The following TMEFF2 variants were observed in gnomAD, a reference collection of about 807,000 sequenced individuals.
TMEFF2 encodes tomoregulin-2.
Under a neutral mutation model 53.8 loss-of-function variants are expected in TMEFF2, and 28 were observed. The ratio of observed to expected loss-of-function variants is 0.52; its 90% CI spans 0.39 to 0.71. The LOEUF (loss-of-function observed/expected upper bound fraction) is 0.71, where lower values mean the gene tolerates loss of function less well. TMEFF2 is among the 30% of genes least tolerant of loss of function. The pLI is 0.00. For synonymous variants in TMEFF2, 162 were observed against 166.3 expected, an observed-to-expected ratio of 0.97 and a Z score of 0.20; for missense variants, 353 against 455.2, an observed-to-expected ratio of 0.78 and a Z score of 2.04.
intron 4 of TMEFF2, among the ~76,000 whole-genome samples, chr2:192,088,502 G>A (rs539845123): frequency 6.6e-6 from 1 of 152,200 alleles, no homozygotes; most frequent in African/African-American, 2.4e-5. Flanking sequence ...TTAGGTCAGG[G>A]GAGTTGACTT....
At chr2:191,984,284 G>A (rs1001578928) in intron 7 of TMEFF2, among the ~76,000 whole-genome samples, 1 of 152,012 alleles carries the variant, frequency 6.6e-6, no homozygotes, top group Non-Finnish European at 1.5e-5. Flanking sequence ...GTTAATCTAA[G>A]TTTCTCCAAA....
intron 5 of TMEFF2, among the ~76,000 whole-genome samples, chr2:192,042,579 TG>T (rs1353656155): frequency 6.6e-6 from 1 of 152,134 alleles, no homozygotes; most frequent in Non-Finnish European, 1.5e-5. Context: ...CACTAGGGTA[TG>T]GGATAATGGT....
At chr2:192,164,306 C>T (rs1443130896) in intron 4 of TMEFF2, among the ~76,000 whole-genome samples, 1 of 152,162 alleles carries the variant, frequency 6.6e-6, no homozygotes, top group African/African-American at 2.4e-5. Context: ...GTGCTCTTCC[C>T]TTTGCTCCGA....
At chr2:192,025,854 A>G (rs1476865551) in intron 5 of TMEFF2, among the ~76,000 whole-genome samples, 1 of 152,214 alleles carries the variant, frequency 6.6e-6, no homozygotes, top group Non-Finnish European at 1.5e-5. Flanking sequence ...CAGATACAGC[A>G]CAGCTGCTTT....
At chr2:192,002,013 TA>T (rs1686375862) in intron 5 of TMEFF2, among the ~76,000 whole-genome samples, 1 of 126,316 alleles carries the variant, frequency 7.9e-6, no homozygotes, top group African/African-American at 4.2e-5. Flanking sequence ...CCAATTGGTG[TA>T]TTTATTTATT....
At chr2:192,012,764 A>G (rs1686660301) in intron 5 of TMEFF2, among the ~76,000 whole-genome samples, 1 of 152,322 alleles carries the variant, frequency 6.6e-6, no homozygotes, top group East Asian at 1.9e-4. Flanking sequence ...TATCATACTC[A>G]TAGATTACAG....
chr2:191,981,274 TGGGCATTCCCA>T (rs2105815051), intron 7 of TMEFF2, among the ~76,000 whole-genome samples: 1 of 152,318 alleles, frequency 6.6e-6, no homozygotes, highest in African/African-American at 2.4e-5. Context: ...TGTCATTCCC[TGGGCATTCCCA>T]CTCACTGAAG....
chr2:192,112,538 C>A (rs1439986390), intron 4 of TMEFF2, among the ~76,000 whole-genome samples: 2 of 152,084 alleles, frequency 1.3e-5, no homozygotes, highest in East Asian at 3.9e-4. Flanking sequence ...AGGGGACTTG[C>A]CTTGTCTCCG....
chr2:192,074,368 A>G (rs1226930109), intron 4 of TMEFF2, among the ~76,000 whole-genome samples: 1 of 151,952 alleles, frequency 6.6e-6, no homozygotes, highest in Non-Finnish European at 1.5e-5. Context: ...CTAAATTTCT[A>G]GGAGGAATCT....
intron 5 of TMEFF2, among the ~76,000 whole-genome samples, chr2:192,005,109 A>G (rs1686468741): frequency 6.6e-6 from 1 of 152,204 alleles, no homozygotes. Context: ...AAATCCTTCA[A>G]AGAAAATTAA....
intron 4 of TMEFF2, among the ~76,000 whole-genome samples, chr2:192,160,893 G>C (rs535336101): frequency 1.3e-4 from 20 of 152,290 alleles, no homozygotes; most frequent in Middle Eastern, 6.8e-3. Flanking sequence ...GTAGAGGAAA[G>C]AGAGGAGAAA....
chr2:192,104,276 C>T (rs1320763730), intron 4 of TMEFF2, among the ~76,000 whole-genome samples: 1 of 152,044 alleles, frequency 6.6e-6, no homozygotes, highest in African/African-American at 2.4e-5. Context: ...TTGGCATAAA[C>T]AACTGAAGAA....
rs536355564 is a variant in TMEFF2 at position 192,179,516 on chromosome 2, C to G, written c.439+152G>C. The G allele has an allele frequency of 1.3e-4, 94 of 715,144 alleles. 2 individuals are homozygous for G. In the South Asian group the frequency reaches 2.4e-3, roughly 18 times the overall value. The allele number at this position is 715,144 out of a possible 1,614,324, so 44.3% of individuals were successfully genotyped here. ...ATAATTTGCACGGTATATACATGTA[C>G]TTAATATGGTGACAATTTTTTATGG... On this transcript the variant is annotated intron_variant, in intron 4 of 9. Transcript: ENST00000272771.
intron 7 of TMEFF2, among the ~76,000 whole-genome samples, chr2:191,964,059 A>G (rs1353385418): frequency 6.6e-6 from 1 of 152,140 alleles, no homozygotes; most frequent in Non-Finnish European, 1.5e-5. Context: ...TGATATGTAC[A>G]GTATGATAGT....
intron 5 of TMEFF2, among the ~76,000 whole-genome samples, chr2:192,023,847 G>A (rs1184979185): frequency 6.6e-6 from 1 of 152,134 alleles, no homozygotes; most frequent in African/African-American, 2.4e-5. Context: ...CTTGGGGGCA[G>A]ACTATACTCA....
intron 4 of TMEFF2, among the ~76,000 whole-genome samples, chr2:192,164,359 C>A (rs1341093743): frequency 6.6e-6 from 1 of 152,144 alleles, no homozygotes; most frequent in Non-Finnish European, 1.5e-5. Flanking sequence ...CTTTCTACTA[C>A]TTAAGGCTTC....
intron 4 of TMEFF2, among the ~76,000 whole-genome samples, chr2:192,174,031 G>A (rs1690978595): frequency 6.6e-6 from 1 of 151,636 alleles, no homozygotes; most frequent in Admixed American, 6.6e-5. Flanking sequence ...CTGTTTCACT[G>A]ACAAAATAAG....
intron 5 of TMEFF2, among the ~76,000 whole-genome samples, chr2:192,007,253 A>C (rs1035653935): frequency 6.6e-6 from 1 of 152,238 alleles, no homozygotes; most frequent in Non-Finnish European, 1.5e-5. Flanking sequence ...GTGATTAAAC[A>C]CACTGATCTA....
intron 7 of TMEFF2, among the ~76,000 whole-genome samples, chr2:191,982,210 T>C (rs1198451789): frequency 6.6e-6 from 1 of 152,168 alleles, no homozygotes; most frequent in African/African-American, 2.4e-5. Context: ...CATGGCTTTA[T>C]GTGTCATTAT....
Sources: gnomAD v4.1 joint callset for allele counts (sites outside exome capture counted in the v4.1 genomes callset) on GRCh38, gnomAD v4.1.1 for gene constraint, MANE v1.5 for transcripts, NCBI Gene and HGNC (gene_info 2026-07-23, HGNC 2026-07-21) for gene names.